SEMA3C: variants seen among roughly 807,000 people sequenced by gnomAD.
SEMA3C encodes semaphorin-3C.
Under a neutral mutation model 89.4 loss-of-function variants are expected in SEMA3C, and 47 were observed. That is an observed-to-expected ratio of 0.53 (90% CI 0.42 to 0.67). The LOEUF (loss-of-function observed/expected upper bound fraction) is 0.67. Among genes scored for constraint, SEMA3C ranks in the 30% least tolerant of loss-of-function variants. SEMA3C has a pLI of 0.00. For synonymous variants in SEMA3C, 310 were observed against 320.2 expected, an observed-to-expected ratio of 0.97 and a Z score of 0.34; for missense variants, 839 against 929.1, an observed-to-expected ratio of 0.90 and a Z score of 1.26.
chr7:80,766,328 A>G (rs1320029706), intron 12 of SEMA3C, among the ~76,000 whole-genome samples: 1 of 152,206 alleles, frequency 6.6e-6, no homozygotes, highest in Non-Finnish European at 1.5e-5. Flanking sequence ...GTCTCTCTAA[A>G]ATAATAACTG....
intron 15 of SEMA3C, among the ~76,000 whole-genome samples, chr7:80,756,262 T>G (rs1788063591): frequency 6.6e-6 from 1 of 152,208 alleles, no homozygotes; most frequent in Non-Finnish European, 1.5e-5. Flanking sequence ...GACTCCTCTA[T>G]TTCTCTAACC....
chr7:80,764,461 C>G (rs2117058453), intron 13 of SEMA3C, among the ~76,000 whole-genome samples: 1 of 152,280 alleles, frequency 6.6e-6, no homozygotes. Context: ...AAGGGCACAG[C>G]AGGACACCAC....
intron 10 of SEMA3C, among the ~76,000 whole-genome samples, chr7:80,800,367 T>C (rs1348508045): frequency 6.6e-6 from 1 of 152,220 alleles, no homozygotes; most frequent in Admixed American, 6.5e-5. Flanking sequence ...TATACACTTG[T>C]GTTACTGTCA....
Position 80,871,073 on chromosome 7 carries a change from T to C in SEMA3C, c.104-42328A>G, listed in dbSNP as rs190208268. On this transcript the variant is annotated intron_variant, in intron 2 of 17. Coordinates refer to ENST00000265361, the MANE Select transcript of SEMA3C (RefSeq NM_006379.5). ...CTGTAAATTTGTCATGCCTTACTAA[T>C]GAGCTAAATTGTGTTTTCTGTCAGT... Among the ~76,000 whole-genome samples the C allele has an allele frequency of 2.8e-3, 423 of 152,354 alleles. 2 individuals carry two copies. The highest frequency in any genetic ancestry group is 7.5e-3 in the Admixed American group (115 of 15,308).
chr7:80,920,313 C>T (rs1185196879), upstream of SEMA3C, among the ~76,000 whole-genome samples: 1 of 152,200 alleles, frequency 6.6e-6, no homozygotes, highest in African/African-American at 2.4e-5. Context: ...CTGTGGGGCA[C>T]AGCCCAGCAG....
chr7:80,901,442 T>C (rs1791877977), intron 2 of SEMA3C, among the ~76,000 whole-genome samples: 1 of 152,204 alleles, frequency 6.6e-6, no homozygotes, highest in Non-Finnish European at 1.5e-5. Flanking sequence ...AAATCAGATA[T>C]TGATATTTTA....
In SEMA3C at chr7:80,748,850, T is replaced by G. The variant is rs765354107; in HGVS notation, c.1842+48A>C. 6.5e-6 allele frequency: 10 copies of G among 1,536,368 alleles called. No individual in the cohort carries two copies. The East Asian group carries it at 2.1e-4, about 32-fold the overall frequency. On this transcript the variant is annotated intron_variant, in intron 17 of 17. Transcript: ENST00000265361. ...GCCTCGCTGAGGGACAGTGATTTAA[T>G]GTTCTCTCTGAAGCCCTGATGGATT...
intron 2 of SEMA3C, among the ~76,000 whole-genome samples, chr7:80,905,646 A>C (rs550163128): frequency 2.2e-4 from 34 of 152,146 alleles, no homozygotes; most frequent in Non-Finnish European, 4.4e-4. Context: ...AACTATGATA[A>C]AGCTAATCCC....
At chr7:80,795,183 A>G (rs1223886556) in intron 11 of SEMA3C, among the ~76,000 whole-genome samples, 1 of 152,160 alleles carries the variant, frequency 6.6e-6, no homozygotes, top group African/African-American at 2.4e-5. Flanking sequence ...GTTCGGCTAC[A>G]TGAGACGATA....
chr7:80,807,825 G>A (rs1262104633), intron 6 of SEMA3C, among the ~76,000 whole-genome samples: 1 of 152,092 alleles, frequency 6.6e-6, no homozygotes, highest in Non-Finnish European at 1.5e-5. Flanking sequence ...GCGCTTGAAT[G>A]GAAATGATAA....
In SEMA3C at chr7:80,804,109, A is replaced by T. The variant is rs1789279479; in HGVS notation, c.798T>A (p.Cys266Ter). Residue 266 changes from cysteine (C) to a stop codon, truncating the protein, a stop_gained, in exon 8 of 18, where the codon TGT (cysteine) becomes TGA (stop). Coordinates refer to ENST00000265361, the MANE Select transcript of SEMA3C (RefSeq NM_006379.5). LOFTEE classifies it high-confidence loss of function. Reference sequence around the variant, plus strand: ...TCGGAACAGCATTAATACTTACAGGACATATTCGAGCAATCATGGAATGAA... The same window carrying T: ...TCGGAACAGCATTAATACTTACAGGTCATATTCGAGCAATCATGGAATGAA... ...KQIHSMIARICPNDTGGLRSL... is the reference protein window; with the variant it reads ...KQIHSMIARI The T allele has an allele frequency of 6.2e-7, 1 of 1,609,306 alleles. No homozygotes were observed. Among genetic ancestry groups the T allele is most frequent in the Non-Finnish European group, 8.5e-7 (1 of 1,177,534 alleles).
chr7:80,796,954 A>C (rs1308266825), intron 11 of SEMA3C, among the ~76,000 whole-genome samples: 4 of 152,180 alleles, frequency 2.6e-5, no homozygotes, highest in Non-Finnish European at 4.4e-5. Flanking sequence ...AGGAGCAAAC[A>C]ATATTGCAAA....
chr7:80,824,453 G>T (rs189931068), intron 4 of SEMA3C, among the ~76,000 whole-genome samples: 14 of 152,294 alleles, frequency 9.2e-5, no homozygotes, highest in Non-Finnish European at 2.1e-4. Flanking sequence ...AACACCGGAA[G>T]ATAATTGAAG....
At chr7:80,749,055 GAGAA>G (rs771271991) in intron 16 of SEMA3C, 27 bp from the exon 17 acceptor site, 19 of 1,573,954 alleles carry the variant, frequency 1.2e-5, no homozygotes, top group Non-Finnish European at 1.4e-5. Context: ...AAAGGCGAGA[GAGAA>G]AGAAAGAACA....
chr7:80,921,915 ATTATC>A (rs1342209317), upstream of SEMA3C, among the ~76,000 whole-genome samples: 1 of 152,162 alleles, frequency 6.6e-6, no homozygotes, highest in African/African-American at 2.4e-5. Flanking sequence ...GCAGCTATAC[ATTATC>A]TTATTTCAAA....
At chr7:80,798,333 A>G in intron 10 of SEMA3C, 97 bp from the exon 11 acceptor site, 1 of 1,095,392 alleles carries the variant, frequency 9.1e-7, no homozygotes, top group Non-Finnish European at 1.2e-6. Context: ...AGTTAATATA[A>G]TCCACCATAG....
At chr7:80,858,346 T>C (rs1365203803) in intron 2 of SEMA3C, among the ~76,000 whole-genome samples, 1 of 152,194 alleles carries the variant, frequency 6.6e-6, no homozygotes, top group Non-Finnish European at 1.5e-5. Context: ...CAAATATGTT[T>C]GCCTGTATGG....
chr7:80,863,819 A>ATCACATACG (rs1562911864), intron 2 of SEMA3C, among the ~76,000 whole-genome samples: 2 of 129,766 alleles, frequency 1.5e-5, no homozygotes, highest in Non-Finnish European at 3.1e-5. Context: ...TGATACATAT[A>ATCACATACG]TATGTGATAT....
chr7:80,861,074 T>G (rs555670019), intron 2 of SEMA3C, among the ~76,000 whole-genome samples: 15 of 152,214 alleles, frequency 9.9e-5, no homozygotes, highest in Admixed American at 3.9e-4. Context: ...AACATACCAA[T>G]ATGAACATTC....
Sources: gnomAD v4.1 joint callset for allele counts (sites outside exome capture counted in the v4.1 genomes callset) on GRCh38, gnomAD v4.1.1 for gene constraint, MANE v1.5 for transcripts, NCBI Gene and HGNC (gene_info 2026-07-23, HGNC 2026-07-21) for gene names.